The following PCSK2 variants were observed in gnomAD, a reference collection of about 807,000 sequenced individuals.
PCSK2 encodes the protein proprotein convertase subtilisin/kexin type 2.
Under a neutral mutation model 69.7 loss-of-function variants are expected in PCSK2, and 14 were observed. That is an observed-to-expected ratio of 0.20 (90% confidence interval 0.13 to 0.31). PCSK2 has a LOEUF of 0.31. Ranked by LOEUF, PCSK2 falls within the 10% of genes least tolerant of loss-of-function variation. PCSK2 has a pLI of 1.00. For missense variants in PCSK2, 544 were observed against 842.5 expected, an observed-to-expected ratio of 0.65 and a Z score of 4.39; for synonymous variants, 307 against 320.7, an observed-to-expected ratio of 0.96 and a Z score of 0.46.
chr20:17,364,994 C>G (rs1356025698), intron 4 of PCSK2, among the ~76,000 whole-genome samples: 1 of 152,206 alleles, frequency 6.6e-6, no homozygotes, highest in Non-Finnish European at 1.5e-5. Context: ...TGGCTATAAA[C>G]TCTATCCTGC....
At chr20:17,237,636 G>C (rs1316674950) in intron 1 of PCSK2, among the ~76,000 whole-genome samples, 2 of 152,196 alleles carry the variant, frequency 1.3e-5, no homozygotes, top group Admixed American at 1.3e-4. Flanking sequence ...CTAGCACAGT[G>C]GAAGAGGAGA....
intron 2 of PCSK2, among the ~76,000 whole-genome samples, chr20:17,337,044 C>A (rs1990372946): frequency 6.6e-6 from 1 of 151,968 alleles, no homozygotes; most frequent in East Asian, 2.0e-4. Flanking sequence ...GCTATTGACA[C>A]CCAAGGAAAC....
At chr20:17,473,057 A>G (rs751886841) in intron 11 of PCSK2, among the ~76,000 whole-genome samples, 3 of 137,092 alleles carry the variant, frequency 2.2e-5, no homozygotes, top group Non-Finnish European at 4.8e-5. Flanking sequence ...ACGATTTTGC[A>G]TGTTATCTCT....
chr20:17,304,480 T>C (rs1355140312), intron 2 of PCSK2, among the ~76,000 whole-genome samples: 2 of 152,212 alleles, frequency 1.3e-5, no homozygotes, highest in Admixed American at 6.5e-5. Flanking sequence ...GGTTAATAGA[T>C]AGAATTTTCT....
intron 2 of PCSK2, among the ~76,000 whole-genome samples, chr20:17,354,288 A>G (rs2030119582): frequency 1.3e-5 from 2 of 152,224 alleles, no homozygotes; most frequent in South Asian, 4.1e-4. Context: ...GCGTTCTAAA[A>G]CTAAATACAG....
intron 2 of PCSK2, among the ~76,000 whole-genome samples, chr20:17,341,236 T>C (rs549702795): frequency 6.6e-6 from 1 of 152,292 alleles, no homozygotes; most frequent in South Asian, 2.1e-4. Flanking sequence ...CGGGACTGTC[T>C]CAAAAATAAA....
intron 2 of PCSK2, among the ~76,000 whole-genome samples, chr20:17,265,182 C>G (rs1166145171): frequency 2.0e-5 from 3 of 152,188 alleles, no homozygotes; most frequent in Non-Finnish European, 4.4e-5. Flanking sequence ...TCTCCTCCCC[C>G]TCTTTTGTCT....
At chr20:17,297,567 T>C in intron 2 of PCSK2, among the ~76,000 whole-genome samples, 1 of 152,190 alleles carries the variant, frequency 6.6e-6, no homozygotes, top group East Asian at 1.9e-4. Context: ...TTGCCATGGG[T>C]CTCTTTCCAG....
intron 1 of PCSK2, among the ~76,000 whole-genome samples, chr20:17,251,078 C>CA (rs906698941): frequency 4.6e-5 from 7 of 151,364 alleles, no homozygotes; most frequent in African/African-American, 1.5e-4. Flanking sequence ...CCAGCCTGGG[C>CA]AAAAAAGTGA....
At chr20:17,348,050 G>GGAAAGAAAGAAAGAAAGAAAGGAAAGAAA (rs1990737855) in intron 2 of PCSK2, among the ~76,000 whole-genome samples, 6 of 86,908 alleles carry the variant, frequency 6.9e-5, no homozygotes, top group African/African-American at 2.2e-4. Context: ...AAGAAAGAAA[G>GGAAAGAAAGAAAGAAAGAAAGGAAAGAAA]GAAAGAAAGA....
At chr20:17,407,806 T>G (rs1156552454) in intron 5 of PCSK2, among the ~76,000 whole-genome samples, 1 of 152,120 alleles carries the variant, frequency 6.6e-6, no homozygotes, top group African/African-American at 2.4e-5. Context: ...AGCCAAGTGT[T>G]GAATGAAGAC....
chr20:17,305,154 T>C (rs1391462312), intron 2 of PCSK2, among the ~76,000 whole-genome samples: 2 of 152,242 alleles, frequency 1.3e-5, no homozygotes, highest in Non-Finnish European at 2.9e-5. Flanking sequence ...ATATGTTTAC[T>C]AATAAATGTT....
intron 2 of PCSK2, among the ~76,000 whole-genome samples, chr20:17,341,596 G>C (rs1371960796): frequency 6.6e-6 from 1 of 152,210 alleles, no homozygotes; most frequent in East Asian, 1.9e-4. Flanking sequence ...GCACTGAATA[G>C]CTACACTACT....
At chr20:17,250,040 CAG>C (rs1986916583) in intron 1 of PCSK2, among the ~76,000 whole-genome samples, 3 of 152,082 alleles carry the variant, frequency 2.0e-5, no homozygotes, top group African/African-American at 7.2e-5. Context: ...TAAAAAGAAG[CAG>C]AGTTTCCATA....
intron 2 of PCSK2, among the ~76,000 whole-genome samples, chr20:17,274,839 C>T (rs1294322132): frequency 6.6e-6 from 1 of 151,984 alleles, no homozygotes; most frequent in African/African-American, 2.4e-5. Context: ...CCCAGCAGTG[C>T]AGAGGGGATG....
At chr20:17,317,674 C>G (rs567612231) in intron 2 of PCSK2, among the ~76,000 whole-genome samples, 1 of 152,238 alleles carries the variant, frequency 6.6e-6, no homozygotes, top group South Asian at 2.1e-4. Flanking sequence ...TTCATGTGCA[C>G]ATTCAATTGC....
At chr20:17,275,497 GA>G (rs1988033086) in intron 2 of PCSK2, among the ~76,000 whole-genome samples, 1 of 152,110 alleles carries the variant, frequency 6.6e-6, no homozygotes, top group South Asian at 2.1e-4. Flanking sequence ...ATGATAGAAA[GA>G]AAGGTTCGAA....
At chr20:17,389,483 C>T (rs1216714938) in intron 5 of PCSK2, among the ~76,000 whole-genome samples, 6 of 151,938 alleles carry the variant, frequency 3.9e-5, no homozygotes, top group Admixed American at 3.9e-4. Flanking sequence ...CAATGAATAT[C>T]GACTGAACCT....
chr20:17,440,723 G>A (rs141739762), intron 8 of PCSK2, among the ~76,000 whole-genome samples: 28 of 152,252 alleles, frequency 1.8e-4, no homozygotes, highest in African/African-American at 6.7e-4. Context: ...TTAGCCAGGT[G>A]TGGTGGTGGG....
Sources: gnomAD v4.1 joint callset for allele counts (sites outside exome capture counted in the v4.1 genomes callset) on GRCh38, gnomAD v4.1.1 for gene constraint, MANE v1.5 for transcripts, NCBI Gene and HGNC (gene_info 2026-07-23, HGNC 2026-07-21) for gene names.